The following PIEZO2 variants were observed in gnomAD, a reference collection of about 807,000 sequenced individuals.
The protein encoded by PIEZO2 is piezo type mechanosensitive ion channel component 2.
PIEZO2 carries 172 observed loss-of-function variants against 337.3 expected under a neutral mutation model. That is an observed-to-expected ratio of 0.51 (90% CI 0.45 to 0.58). The LOEUF (loss-of-function observed/expected upper bound fraction) is 0.58, where lower values mean the gene tolerates loss of function less well. PIEZO2 is among the 20% of genes least tolerant of loss of function. The pLI, the probability that PIEZO2 is intolerant of heterozygous loss-of-function variation, is 0.00. For synonymous variants in PIEZO2, 1,251 were observed against 1,228.5 expected, an observed-to-expected ratio of 1.02 and a Z score of -0.38; for missense variants, 3,028 against 3,391.3, an observed-to-expected ratio of 0.89 and a Z score of 2.66.
Position 10,671,778 on chromosome 18 carries a change from T to C in PIEZO2, c.8347A>G (p.Ile2783Val), listed in dbSNP as rs1008206665. 2 of 1,602,108 alleles carry C rather than the reference T, an allele frequency of 1.2e-6. No individual in the cohort carries two copies. Among genetic ancestry groups the C allele is most frequent in the Admixed American group, 3.4e-5 (2 of 58,050 alleles). Residue 2783 changes from isoleucine (I) to valine (V), a missense_variant and splice_region_variant, in exon 56 of 56, where the codon ATT becomes GTT. Physicochemically the swap from Ile to Val is conservative, Grantham distance 29 (BLOSUM62 3). Transcript: ENST00000674853. ...PSLGFLAGYGIMGLYASVVLV... is the reference protein window; with the variant it reads ...PSLGFLAGYGVMGLYASVVLV... Reference sequence around the variant, plus strand: ...ACAACTGAAGCATATAATCCCATAATACTGAAAAAAACAGTAAGTAGAAAT... The same window carrying C: ...ACAACTGAAGCATATAATCCCATAACACTGAAAAAAACAGTAAGTAGAAAT...
chr18:10,705,877 C>T (rs2035565841), intron 40 of PIEZO2, 131 bp from the exon 41 acceptor site: 2 of 1,170,470 alleles, frequency 1.7e-6, no homozygotes, highest in Non-Finnish European at 2.3e-6. Flanking sequence ...ATTCCATCTG[C>T]TTTGTTCTTT....
intron 2 of PIEZO2, among the ~76,000 whole-genome samples, chr18:10,995,077 C>CAAAAAAAAAAAAAAAA (rs767666232): frequency 7.1e-5 from 2 of 28,286 alleles, no homozygotes; most frequent in Admixed American, 3.4e-4. Context: ...GACTCCGTCT[C>CAAAAAAAAAAAAAAAA]AAAAAAAAAA....
intron 4 of PIEZO2, among the ~76,000 whole-genome samples, chr18:10,892,125 A>G (rs1258980277): frequency 6.6e-6 from 1 of 152,202 alleles, no homozygotes; most frequent in East Asian, 1.9e-4. Flanking sequence ...AGCTCTACTC[A>G]TAATTGCCCA....
chr18:10,713,089 C>G lies in PIEZO2; in HGVS notation c.5423+1675G>C, dbSNP rs2298742. 5.9e-5 allele frequency among the ~76,000 whole-genome samples: 9 copies of G among 151,940 alleles called. No homozygotes were observed. The highest frequency in any genetic ancestry group is 2.2e-4 in the African/African-American group (9 of 41,350). On this transcript the variant is annotated intron_variant, in intron 39 of 55. Transcript: ENST00000674853. The surrounding 1 kb of genome is among the most constrained non-coding windows in gnomAD (Gnocchi z 4.5). ...ACACCCATGCACAGTGTTATCTGCA[C>G]GAATATTACTTCTAAATCAATCTAG...
At chr18:10,825,607 G>A (rs562518949) in intron 7 of PIEZO2, among the ~76,000 whole-genome samples, 1 of 141,524 alleles carries the variant, frequency 7.1e-6, no homozygotes, top group Non-Finnish European at 1.5e-5. Context: ...CTGGAGTGCA[G>A]TGGCACAATC....
At chr18:10,818,409 G>A (rs2040426905) in intron 7 of PIEZO2, among the ~76,000 whole-genome samples, 1 of 152,276 alleles carries the variant, frequency 6.6e-6, no homozygotes, top group African/African-American at 2.4e-5. Context: ...AATATGTCCT[G>A]AATATACACT....
At chr18:10,782,188 ACAT>A (rs1396193172) in intron 17 of PIEZO2, among the ~76,000 whole-genome samples, 52 of 137,592 alleles carry the variant, frequency 3.8e-4, no homozygotes, top group East Asian at 1.2e-3. Flanking sequence ...ATATCAATGT[ACAT>A]CATATTATAT....
Position 10,682,069 on chromosome 18 carries a change from A to G in PIEZO2, c.7686+35T>C, listed in dbSNP as rs1240887477. ...ATCATAAAGGAATGTGGCGTGGGGCAAGGCTCTGGTAGGTGGGGTGTGCAC... is the reference window on the plus strand; with the variant it reads ...ATCATAAAGGAATGTGGCGTGGGGCGAGGCTCTGGTAGGTGGGGTGTGCAC... On this transcript the variant is annotated intron_variant, in intron 50 of 55. Transcript: ENST00000674853. The surrounding 1 kb of genome is among the most constrained non-coding windows in gnomAD (Gnocchi z 5.6). 1.1e-5 allele frequency: 17 copies of G among 1,508,640 alleles called. No homozygotes were observed. Among genetic ancestry groups the G allele is most frequent in the Non-Finnish European group, 1.4e-5 (16 of 1,129,104 alleles). 93.5% of individuals were successfully genotyped at this position (1,508,640 alleles called of 1,614,324 possible).
intron 17 of PIEZO2, 133 bp from the exon 18 acceptor site, chr18:10,780,499 C>T (rs1353389506): frequency 3.2e-6 from 2 of 632,188 alleles, no homozygotes; most frequent in Admixed American, 2.5e-5. Flanking sequence ...GCCACCCTCA[C>T]AGGCTTCATG....
In PIEZO2 at chr18:11,010,345, C is replaced by A. The variant is rs372195917; in HGVS notation, c.161-30685G>T. On this transcript the variant is annotated intron_variant, in intron 2 of 55. Coordinates refer to ENST00000674853, the MANE Select transcript of PIEZO2 (RefSeq NM_001378183.1). ...ATGCTGCCTGTATGCTCCACAGGGT[C>A]CCTGTGAGCAGATGCTGATTTAATG... is the stretch of plus-strand genomic sequence containing the variant. 1.1e-4 allele frequency among the ~76,000 whole-genome samples: 16 copies of A among 152,280 alleles called. No individual in the cohort carries two copies. The South Asian group carries it at 2.5e-3, about 24-fold the overall frequency.
In PIEZO2 at chr18:10,705,730, T is replaced by C. The variant is rs1247312993; in HGVS notation, c.5605A>G (p.Thr1869Ala). 1.3e-6 allele frequency: 2 copies of C among 1,531,214 alleles called. No individual in the cohort carries two copies. The highest frequency in any genetic ancestry group is 1.7e-6 in the Non-Finnish European group (2 of 1,143,228). 94.9% of individuals were successfully genotyped at this position (1,531,214 alleles called of 1,614,324 possible). The change falls in exon 41 of 56, where the codon ACC (threonine) becomes GCC (alanine). Residue 1869 changes from threonine (T) to alanine (A), a missense_variant. This residue lies in a region of PIEZO2 where 1,925 missense variants were observed against 2,051.9 expected (regional missense o/e 0.94). Coordinates refer to ENST00000674853, the MANE Select transcript of PIEZO2 (RefSeq NM_001378183.1). Reference protein sequence around the residue: ...SLASSEPTQCTMLYSRQGTTE... With the variant: ...SLASSEPTQCAMLYSRQGTTE... The stretch of plus-strand genomic sequence containing the variant: ...GTCCCCTGGCGTGAGTACAGCATGG[T>C]ACACTGCGTGGGCTCGCTGTTGGGA...
chr18:10,754,625 G>T (rs2037766374), intron 27 of PIEZO2, among the ~76,000 whole-genome samples: 1 of 152,160 alleles, frequency 6.6e-6, no homozygotes, highest in Non-Finnish European at 1.5e-5. Flanking sequence ...TAAATATTGG[G>T]CTGGACTGAT....
intron 35 of PIEZO2, among the ~76,000 whole-genome samples, chr18:10,735,026 T>C (rs753704328): frequency 2.6e-5 from 4 of 152,228 alleles, no homozygotes; most frequent in Non-Finnish European, 4.4e-5. Context: ...TGGTGTCCAC[T>C]TAAGAGCAAG....
chr18:10,989,238 T>G (rs558307557), intron 2 of PIEZO2, among the ~76,000 whole-genome samples: 14 of 152,060 alleles, frequency 9.2e-5, no homozygotes, highest in Non-Finnish European at 2.1e-4. Context: ...GTACAGATTT[T>G]TCTATGAGAA....
chr18:10,690,201 G>A (rs12954519), intron 48 of PIEZO2, among the ~76,000 whole-genome samples: 44,180 of 152,016 alleles, frequency 0.29, 6,810 homozygotes, highest in Non-Finnish European at 0.35. Context: ...AAAAATGAGG[G>A]CAAATGGATA....
intron 1 of PIEZO2, among the ~76,000 whole-genome samples, chr18:11,086,470 G>T (rs1178349255): frequency 6.7e-6 from 1 of 150,332 alleles, no homozygotes; most frequent in Non-Finnish European, 1.5e-5. Context: ...AGTGAGCCGA[G>T]ATCCCGCCAC....
chr18:11,022,718 T>C (rs1000291431), intron 2 of PIEZO2, among the ~76,000 whole-genome samples: 2 of 152,234 alleles, frequency 1.3e-5, no homozygotes, highest in Non-Finnish European at 2.9e-5. Context: ...AGAATTCAGT[T>C]CGTAAAAACT....
chr18:10,998,564 G>T (rs1267927039), intron 2 of PIEZO2, among the ~76,000 whole-genome samples: 1 of 152,008 alleles, frequency 6.6e-6, no homozygotes, highest in East Asian at 1.9e-4. Context: ...ATAATTCAAA[G>T]ATGTGTCACC....
chr18:10,728,736 A>C (rs1222864230), intron 36 of PIEZO2, among the ~76,000 whole-genome samples: 1 of 151,966 alleles, frequency 6.6e-6, no homozygotes, highest in Non-Finnish European at 1.5e-5. Context: ...CGGGCGGATC[A>C]TGAGGTCAGA....
Sources: gnomAD v4.1 joint callset for allele counts (sites outside exome capture counted in the v4.1 genomes callset) on GRCh38, gnomAD v4.1.1 for gene constraint, gnomAD v4.1.1 regional missense constraint, Gnocchi (gnomAD v3.1) non-coding constraint, MANE v1.5 for transcripts, NCBI Gene and HGNC (gene_info 2026-07-23, HGNC 2026-07-21) for gene names.